Variants in KLHL32 observed in about 807,000 individuals in gnomAD.
The protein encoded by KLHL32 is kelch like family member 32.
In KLHL32, 35 loss-of-function variants were observed where a neutral mutation model predicts 64.8. That is an observed-to-expected ratio of 0.54 (90% CI 0.41 to 0.72). The LOEUF (loss-of-function observed/expected upper bound fraction) is 0.72, where lower values mean the gene tolerates loss of function less well. Ranked by LOEUF, KLHL32 falls within the 30% of genes least tolerant of loss-of-function variation. The probability of loss-of-function intolerance (pLI) is 0.00; values close to 1 mark genes in which losing one functional copy is unlikely to be tolerated. For missense variants in KLHL32, 589 were observed against 768.5 expected, an observed-to-expected ratio of 0.77 and a Z score of 2.76; for synonymous variants, 259 against 281.0, an observed-to-expected ratio of 0.92 and a Z score of 0.78.
chr6:96,950,182 G>A (rs936522600), intron 1 of KLHL32, among the ~76,000 whole-genome samples: 5 of 151,842 alleles, frequency 3.3e-5, no homozygotes, highest in African/African-American at 9.7e-5. Flanking sequence ...CATTTTTAAT[G>A]ACAGAGGCAA....
At chr6:97,061,134 G>A (rs1018877164) in intron 4 of KLHL32, among the ~76,000 whole-genome samples, 2 of 152,180 alleles carry the variant, frequency 1.3e-5, no homozygotes, top group African/African-American at 4.8e-5. Flanking sequence ...GGCGGGGAAA[G>A]AATCCTCTAT....
chr6:97,047,456 G>A (rs895105812), intron 4 of KLHL32, among the ~76,000 whole-genome samples: 1 of 152,180 alleles, frequency 6.6e-6, no homozygotes, highest in Non-Finnish European at 1.5e-5. Flanking sequence ...TGGGAGCAAG[G>A]TTGGAAGCAA....
chr6:97,103,413 C>T (rs1392771619), intron 6 of KLHL32, among the ~76,000 whole-genome samples: 1 of 152,188 alleles, frequency 6.6e-6, no homozygotes, highest in Non-Finnish European at 1.5e-5. Context: ...TGGGGTTTCA[C>T]CATGTTAGCC....
chr6:97,035,453 T>C (rs1784154873), intron 3 of KLHL32, among the ~76,000 whole-genome samples: 1 of 152,176 alleles, frequency 6.6e-6, no homozygotes, highest in Non-Finnish European at 1.5e-5. Context: ...TGCTTTCACG[T>C]TACTGTTTAG....
intron 1 of KLHL32, among the ~76,000 whole-genome samples, chr6:96,940,964 A>G (rs1263175901): frequency 6.6e-6 from 1 of 152,216 alleles, no homozygotes; most frequent in African/African-American, 2.4e-5. Flanking sequence ...AGCGTAATAG[A>G]TGATGTGAAA....
intron 3 of KLHL32, among the ~76,000 whole-genome samples, chr6:97,020,319 A>G (rs1781817964): frequency 6.6e-6 from 1 of 151,006 alleles, no homozygotes; most frequent in African/African-American, 2.5e-5. Flanking sequence ...AAGAAATACA[A>G]TATAAAAAAT....
chr6:96,951,278 T>C (rs1160379773), intron 1 of KLHL32, among the ~76,000 whole-genome samples: 1 of 152,082 alleles, frequency 6.6e-6, no homozygotes, highest in Non-Finnish European at 1.5e-5. Context: ...TGAGAGGAGA[T>C]GTCAACAGCC....
chr6:97,014,307 A>C (rs80108354), intron 3 of KLHL32, among the ~76,000 whole-genome samples: 11,989 of 151,832 alleles, frequency 0.079, 1,016 homozygotes, highest in Admixed American at 0.22. Context: ...AAAAAAAAAA[A>C]AAAGTTTCTT....
At chr6:97,021,635 A>G (rs1033247963) in intron 3 of KLHL32, among the ~76,000 whole-genome samples, 1 of 150,914 alleles carries the variant, frequency 6.6e-6, no homozygotes, top group African/African-American at 2.5e-5. Flanking sequence ...GTTTTACCAA[A>G]TATCTAAACA....
intron 3 of KLHL32, among the ~76,000 whole-genome samples, chr6:97,023,807 G>T (rs1183986063): frequency 6.6e-6 from 1 of 152,200 alleles, no homozygotes; most frequent in East Asian, 1.9e-4. Context: ...ACCTAATGTG[G>T]TAACTGTGGT....
chr6:97,135,637 G>A (rs1273062715), intron 10 of KLHL32, among the ~76,000 whole-genome samples: 2 of 152,132 alleles, frequency 1.3e-5, no homozygotes, highest in Non-Finnish European at 2.9e-5. Flanking sequence ...TAGGTAATAA[G>A]TATCCCTATA....
In KLHL32 at chr6:97,007,247, C is replaced by T. The variant is rs562159217; in HGVS notation, c.204+31070C>T. ...TGAAATATTTTGGAGAGGTAGTCTT[C>T]GAGTTCTGAGACTCTTTCTTTGGCT... On this transcript the variant is annotated intron_variant, in intron 3 of 10. Transcript: ENST00000369261. 5.4e-5 allele frequency among the ~76,000 whole-genome samples: 8 copies of T among 149,150 alleles called. No homozygotes were observed. In the South Asian group the frequency reaches 1.0e-3, roughly 19 times the overall value.
intron 3 of KLHL32, among the ~76,000 whole-genome samples, chr6:97,035,962 A>G (rs1226536727): frequency 2.0e-5 from 3 of 151,956 alleles, no homozygotes; most frequent in Admixed American, 2.0e-4. Flanking sequence ...AGCTTTCATA[A>G]TCTATATCGG....
chr6:97,113,714 T>A, intron 6 of KLHL32, 69 bp from the exon 7 acceptor site: 1 of 1,551,882 alleles, frequency 6.4e-7, no homozygotes, highest in Non-Finnish European at 8.8e-7. Context: ...GTAACCTACC[T>A]ATATGCTGTT....
At chr6:97,138,433 G>T (rs565381643) in intron 10 of KLHL32, among the ~76,000 whole-genome samples, 1 of 152,254 alleles carries the variant, frequency 6.6e-6, no homozygotes, top group African/African-American at 2.4e-5. Flanking sequence ...TGGCCACTCA[G>T]GAGGGTGAGG....
At chr6:96,924,123 A>G (rs1355762501), upstream of KLHL32, among the ~76,000 whole-genome samples, 1 of 152,144 alleles carries the variant, frequency 6.6e-6, no homozygotes, top group African/African-American at 2.4e-5. Flanking sequence ...AGTTACTGTG[A>G]ATTTGTTCTG....
At chr6:96,965,316 AGCG>A (rs1774336591) in intron 1 of KLHL32, among the ~76,000 whole-genome samples, 1 of 152,230 alleles carries the variant, frequency 6.6e-6, no homozygotes, top group Non-Finnish European at 1.5e-5. Context: ...TGTAGTATAT[AGCG>A]GATTATGATT....
intron 3 of KLHL32, among the ~76,000 whole-genome samples, chr6:96,979,753 T>C (rs1028891948): frequency 2.0e-5 from 3 of 152,202 alleles, no homozygotes; most frequent in Non-Finnish European, 4.4e-5. Flanking sequence ...CTTTAGGCAG[T>C]ATGGCCATTT....
intron 6 of KLHL32, among the ~76,000 whole-genome samples, chr6:97,110,783 A>G (rs1797012344): frequency 2.6e-5 from 4 of 152,230 alleles, no homozygotes; most frequent in Admixed American, 1.3e-4. Flanking sequence ...AGCACGGGCA[A>G]TGGAGCTAGC....
Sources: gnomAD v4.1 joint callset for allele counts (sites outside exome capture counted in the v4.1 genomes callset) on GRCh38, gnomAD v4.1.1 for gene constraint, MANE v1.5 for transcripts, NCBI Gene and HGNC (gene_info 2026-07-23, HGNC 2026-07-21) for gene names.